KLHL1: variants seen among roughly 807,000 people sequenced by gnomAD.
KLHL1 encodes the protein kelch like family member 1, also known as kelch-like protein 1.
KLHL1 carries 47 observed loss-of-function variants against 77.7 expected under a neutral mutation model. The observed-to-expected ratio is 0.60, with a 90% CI of 0.48 to 0.77. KLHL1 has a LOEUF of 0.77. Among genes scored for constraint, KLHL1 ranks in the 30% least tolerant of loss-of-function variants. The probability of loss-of-function intolerance (pLI) is 0.00; values close to 1 mark genes in which losing one functional copy is unlikely to be tolerated. For synonymous variants in KLHL1, 360 were observed against 325.2 expected (o/e 1.11, Z -1.15); for missense variants, 925 against 910.8 (o/e 1.02, Z -0.20).
intron 4 of KLHL1, among the ~76,000 whole-genome samples, chr13:69,895,545 C>G (rs1881603114): frequency 6.6e-6 from 1 of 152,022 alleles, no homozygotes; most frequent in Non-Finnish European, 1.5e-5. Context: ...AATTGTGTGG[C>G]TTTAAAAAAT....
At chr13:69,797,672 A>T (rs1306794792) in intron 6 of KLHL1, among the ~76,000 whole-genome samples, 2 of 151,284 alleles carry the variant, frequency 1.3e-5, no homozygotes, top group Non-Finnish European at 2.9e-5. Context: ...CAAAAAAAAA[A>T]AAAAAAATTA....
At chr13:69,886,844 T>A (rs1042473186) in intron 4 of KLHL1, among the ~76,000 whole-genome samples, 3 of 152,168 alleles carry the variant, frequency 2.0e-5, no homozygotes, top group African/African-American at 7.2e-5. Context: ...AAACTCCTAG[T>A]CACGGTTCTA....
chr13:69,707,463 G>A (rs1373010596), intron 10 of KLHL1, among the ~76,000 whole-genome samples, 162 bp downstream of exon 10: 1 of 147,326 alleles, frequency 6.8e-6, no homozygotes, highest in East Asian at 1.9e-4. Flanking sequence ...ACACAAGAAT[G>A]TATAATGAAC....
chr13:69,728,718 T>A (rs550435764), intron 8 of KLHL1, among the ~76,000 whole-genome samples: 2 of 150,274 alleles, frequency 1.3e-5, no homozygotes, highest in Non-Finnish European at 2.9e-5. Context: ...TGAGGCAGAA[T>A]AATTGCTTGA....
intron 4 of KLHL1, among the ~76,000 whole-genome samples, chr13:69,897,045 T>C (rs183602954): frequency 0.011 from 1,645 of 152,252 alleles, 12 homozygotes; most frequent in Middle Eastern, 0.044. Context: ...ATCAATAGAA[T>C]AGTATTGATA....
chr13:70,021,615 T>G (rs905230922), intron 1 of KLHL1, among the ~76,000 whole-genome samples: 1 of 152,028 alleles, frequency 6.6e-6, no homozygotes, highest in Non-Finnish European at 1.5e-5. Flanking sequence ...CTGTGCTATT[T>G]TGTATTCCCA....
At chr13:69,753,753 T>C (rs1874585546) in intron 7 of KLHL1, among the ~76,000 whole-genome samples, 1 of 152,142 alleles carries the variant, frequency 6.6e-6, no homozygotes, top group Admixed American at 6.6e-5. Flanking sequence ...TCTAACAGGG[T>C]TCTGTTGACA....
intron 1 of KLHL1, among the ~76,000 whole-genome samples, chr13:69,998,422 G>A (rs768770502): frequency 6.6e-6 from 1 of 152,062 alleles, no homozygotes; most frequent in Non-Finnish European, 1.5e-5. Flanking sequence ...CATCTCCTAA[G>A]AGAGAATGGG....
chr13:70,071,392 G>C (rs1471453250), intron 1 of KLHL1, among the ~76,000 whole-genome samples: 1 of 151,970 alleles, frequency 6.6e-6, no homozygotes, highest in Non-Finnish European at 1.5e-5. Flanking sequence ...AGGAAAAATA[G>C]ATAAACCCCC....
chr13:69,864,796 G>A (rs1226047642), intron 5 of KLHL1, among the ~76,000 whole-genome samples: 1 of 152,050 alleles, frequency 6.6e-6, no homozygotes, highest in Admixed American at 6.6e-5. Context: ...ACATATTAGG[G>A]CAAAAAGACA....
intron 5 of KLHL1, among the ~76,000 whole-genome samples, chr13:69,856,755 G>C (rs1403524989): frequency 2.0e-5 from 3 of 151,972 alleles, no homozygotes; most frequent in Non-Finnish European, 4.4e-5. Flanking sequence ...AAACTACAAT[G>C]ATAATTAATT....
intron 7 of KLHL1, among the ~76,000 whole-genome samples, chr13:69,765,597 C>T (rs1450398789): frequency 1.3e-5 from 2 of 152,170 alleles, no homozygotes; most frequent in Non-Finnish European, 2.9e-5. Context: ...GGCCACCACA[C>T]TTTCTCTCCT....
At chr13:70,067,964 T>A (rs1441374545) in intron 1 of KLHL1, among the ~76,000 whole-genome samples, 1 of 151,888 alleles carries the variant, frequency 6.6e-6, no homozygotes, top group African/African-American at 2.4e-5. Flanking sequence ...TATTGGCAAG[T>A]CTACAGTATA....
chr13:70,001,786 C>A (rs923162191), intron 1 of KLHL1, among the ~76,000 whole-genome samples: 7 of 151,260 alleles, frequency 4.6e-5, no homozygotes, highest in African/African-American at 1.5e-4. Flanking sequence ...ACCATGAAAT[C>A]AAAAATTATT....
intron 1 of KLHL1, among the ~76,000 whole-genome samples, chr13:70,045,554 T>C (rs976117827): frequency 6.8e-6 from 1 of 146,318 alleles, no homozygotes; most frequent in Admixed American, 7.2e-5. Flanking sequence ...AATTTTCATA[T>C]TATTTATTTA....
intron 1 of KLHL1, among the ~76,000 whole-genome samples, chr13:69,991,049 A>C (rs188488932): frequency 3.3e-5 from 5 of 151,938 alleles, no homozygotes; most frequent in African/African-American, 1.2e-4. Context: ...TGCTTCTGAA[A>C]GATTCTTGAG....
intron 7 of KLHL1, among the ~76,000 whole-genome samples, chr13:69,741,620 T>A (rs1593789332): frequency 1.3e-5 from 2 of 152,260 alleles, no homozygotes; most frequent in African/African-American, 4.8e-5. Context: ...GACCTTACTG[T>A]TTCCCTTCTC....
chr13:70,037,158 A>C (rs1243383908), intron 1 of KLHL1, among the ~76,000 whole-genome samples: 1 of 151,816 alleles, frequency 6.6e-6, no homozygotes, highest in African/African-American at 2.4e-5. Context: ...TCATAAATAC[A>C]TTTTTCATCT....
intron 4 of KLHL1, among the ~76,000 whole-genome samples, chr13:69,908,746 T>C (rs1269439010): frequency 6.6e-6 from 1 of 151,694 alleles, no homozygotes; most frequent in African/African-American, 2.4e-5. Context: ...ATATTATTTT[T>C]GTCTCCTTTG....
Sources: gnomAD v4.1 joint callset for allele counts (sites outside exome capture counted in the v4.1 genomes callset) on GRCh38, gnomAD v4.1.1 for gene constraint, MANE v1.5 for transcripts, NCBI Gene and HGNC (gene_info 2026-07-23, HGNC 2026-07-21) for gene names.